Variants in NPY2R observed in about 807,000 individuals in gnomAD.
NPY2R encodes neuropeptide Y receptor type 2.
A neutral mutation model predicts 22.3 loss-of-function variants in NPY2R; 17 were observed. That is an observed-to-expected ratio of 0.76 (90% CI 0.52 to 1.14). The LOEUF is 1.14. Ranked by LOEUF, NPY2R falls within the 50% of genes most tolerant of loss-of-function variation. NPY2R has a pLI of 0.00. For missense variants in NPY2R, 424 were observed against 467.9 expected (o/e 0.91, Z 0.87); for synonymous variants, 209 against 183.4 (o/e 1.14, Z -1.13).
the NPY2R span, among the ~76,000 whole-genome samples, chr4:155,177,933 T>C: frequency 6.6e-6 from 1 of 152,254 alleles, no homozygotes; most frequent in Non-Finnish European, 1.5e-5. Context: ...CTTCAAACCA[T>C]AGCACCTGGT....
chr4:155,175,142 A>T, the NPY2R span, among the ~76,000 whole-genome samples: 1 of 152,246 alleles, frequency 6.6e-6, no homozygotes, highest in African/African-American at 2.4e-5. Flanking sequence ...GTGAAGCAGC[A>T]ATTTTAGTGT....
At chr4:155,209,650 T>A (rs1289836042) in intron 1 of NPY2R, among the ~76,000 whole-genome samples, 1 of 152,182 alleles carries the variant, frequency 6.6e-6, no homozygotes, top group African/African-American at 2.4e-5. Flanking sequence ...AACAATCATG[T>A]CTTGTATGTA....
In NPY2R at chr4:155,210,683, G is replaced by T. The variant is rs1729385449; in HGVS notation, c.-49+1614G>T. ...ATGTGAAAAGAGGCTGGGGCTCCTT[G>T]GAATGTTCTATGTGAAATTTATGCA... On this transcript the variant is annotated intron_variant, in intron 1 of 1. Coordinates refer to ENST00000329476, the MANE Select transcript of NPY2R (RefSeq NM_000910.4). 2.0e-5 allele frequency among the ~76,000 whole-genome samples: 3 copies of T among 152,254 alleles called. No homozygotes were observed. The South Asian group carries it at 6.2e-4, about 32-fold the overall frequency.
the NPY2R span, among the ~76,000 whole-genome samples, chr4:155,177,745 C>CT: frequency 6.6e-6 from 1 of 151,968 alleles, no homozygotes; most frequent in Admixed American, 6.6e-5. Flanking sequence ...CTTGTGCACC[C>CT]TACACACCCA....
chr4:155,189,682 T>C, the NPY2R span, among the ~76,000 whole-genome samples: 1 of 151,954 alleles, frequency 6.6e-6, no homozygotes, highest in African/African-American at 2.4e-5. Flanking sequence ...ATAAAAAATA[T>C]ATTTGCTCAG....
the NPY2R span, among the ~76,000 whole-genome samples, chr4:155,180,467 T>G: frequency 6.6e-6 from 1 of 152,170 alleles, no homozygotes; most frequent in Admixed American, 6.5e-5. Flanking sequence ...TGGAATAGAT[T>G]TTTTTACATA....
At chr4:155,192,109 C>T in the NPY2R span, among the ~76,000 whole-genome samples, 1 of 151,776 alleles carries the variant, frequency 6.6e-6, no homozygotes, top group Admixed American at 6.6e-5. Flanking sequence ...GTGTTCAAAT[C>T]CATTTTACCT....
At chr4:155,178,668 T>G in the NPY2R span, among the ~76,000 whole-genome samples, 3 of 152,216 alleles carry the variant, frequency 2.0e-5, no homozygotes, top group African/African-American at 7.2e-5. Flanking sequence ...TTGAAACTTA[T>G]TTGAAGCATA....
At chr4:155,185,687 A>G in the NPY2R span, among the ~76,000 whole-genome samples, 1 of 151,056 alleles carries the variant, frequency 6.6e-6, no homozygotes, top group South Asian at 2.1e-4. Context: ...TTTTTTGTAA[A>G]TGGAGGATCT....
chr4:155,211,340 G>A (rs1729400595), intron 1 of NPY2R, among the ~76,000 whole-genome samples: 2 of 152,148 alleles, frequency 1.3e-5, no homozygotes, highest in Non-Finnish European at 2.9e-5. Flanking sequence ...CAGGGGCTTG[G>A]GGTAACTGAG....
the NPY2R span, among the ~76,000 whole-genome samples, chr4:155,195,415 G>A: frequency 6.6e-6 from 1 of 152,002 alleles, no homozygotes; most frequent in South Asian, 2.1e-4. Context: ...AGTGTCCGGG[G>A]CAGAGTCTGG....
the NPY2R span, among the ~76,000 whole-genome samples, chr4:155,174,475 TA>T: frequency 2.3e-5 from 2 of 88,202 alleles, no homozygotes; most frequent in African/African-American, 1.2e-4. Context: ...TATATATATA[TA>T]TATATATATT....
the NPY2R span, among the ~76,000 whole-genome samples, chr4:155,191,800 C>T: frequency 6.6e-6 from 1 of 151,846 alleles, no homozygotes; most frequent in Admixed American, 6.6e-5. Flanking sequence ...CACATGTCAA[C>T]ACTTTAACTA....
At chr4:155,202,043 G>GTCT in the NPY2R span, among the ~76,000 whole-genome samples, 6 of 152,096 alleles carry the variant, frequency 3.9e-5, no homozygotes, top group African/African-American at 1.4e-4. Flanking sequence ...TGAGAATAAT[G>GTCT]TCTTTAACTT....
upstream of NPY2R, among the ~76,000 whole-genome samples, chr4:155,204,966 A>G (rs143918292): frequency 5.7e-3 from 871 of 152,158 alleles, 5 homozygotes; most frequent in African/African-American, 0.02. Context: ...AACCACATAT[A>G]TGAAAAATGG....
At chr4:155,200,701 C>A in the NPY2R span, among the ~76,000 whole-genome samples, 1 of 152,016 alleles carries the variant, frequency 6.6e-6, no homozygotes, top group African/African-American at 2.4e-5. Context: ...ATGTCCTTTG[C>A]AGGGACATGG....
chr4:155,200,771 C>T, the NPY2R span, among the ~76,000 whole-genome samples: 1 of 152,136 alleles, frequency 6.6e-6, no homozygotes, highest in Non-Finnish European at 1.5e-5. Flanking sequence ...TCAAACACTG[C>T]ATGTTCTCAC....
chr4:155,189,621 A>T, the NPY2R span, among the ~76,000 whole-genome samples: 1 of 152,018 alleles, frequency 6.6e-6, no homozygotes, highest in African/African-American at 2.4e-5. Context: ...TATTGTATAC[A>T]TAGAGCAAAA....
At chr4:155,177,532 C>A in the NPY2R span, among the ~76,000 whole-genome samples, 1 of 152,180 alleles carries the variant, frequency 6.6e-6, no homozygotes, top group Non-Finnish European at 1.5e-5. Context: ...TTTAAGCCCC[C>A]TGCCTACAGT....
Sources: allele counts gnomAD v4.1 joint callset (sites outside exome capture counted in the v4.1 genomes callset), GRCh38; gene constraint gnomAD v4.1.1; transcripts MANE v1.5; gene names NCBI Gene and HGNC (gene_info 2026-07-23, HGNC 2026-07-21).